The following FGF13 variants were observed in gnomAD, a reference collection of about 807,000 sequenced individuals.
The protein encoded by FGF13 is fibroblast growth factor homologous factor 2.
FGF13 carries 2 observed loss-of-function variants against 19.5 expected under a neutral mutation model. The observed-to-expected ratio is 0.10, with a 90% confidence interval of 0.04 to 0.32. FGF13 has a LOEUF of 0.32. Among genes scored for constraint, FGF13 ranks in the 10% least tolerant of loss-of-function variants. The pLI is 1.00. For missense variants in FGF13, 113 were observed against 192.7 expected, an observed-to-expected ratio of 0.59 and a Z score of 2.45; for synonymous variants, 72 against 76.9, an observed-to-expected ratio of 0.94 and a Z score of 0.33.
chrX:139,031,517 T>C (rs1422653208), intron 1 of FGF13, among the ~76,000 whole-genome samples: 1 of 111,093 alleles, frequency 9.0e-6, no homozygotes, highest in Non-Finnish European at 1.9e-5. Context: ...GTAGGCAATA[T>C]CATTACTCCC....
At chrX:138,856,261 C>A (rs1325940092), downstream of FGF13, among the ~76,000 whole-genome samples, 3 of 111,168 alleles carry the variant, frequency 2.7e-5, no homozygotes, top group African/African-American at 9.8e-5. Flanking sequence ...TATGAGTGCT[C>A]TATTCTATGG....
Position 138,753,564 on chromosome X carries a change from G to A in FGF13, c.218-44636C>T, listed in dbSNP as rs139718295. On this transcript the variant is annotated intron_variant, in intron 3 of 6. Transcript: ENST00000436198. ...TGTCAATCTATAAGATTCATGAGAT[G>A]AGTGTATAAATGCTGTAACCTTCCC... 9.2e-3 allele frequency among the ~76,000 whole-genome samples: 1,028 copies of A among 111,918 alleles called. 13 individuals carry two copies. The highest frequency in any genetic ancestry group is 0.053 in the South Asian group (141 of 2,664).
chrX:138,664,868 G>A (rs932577778), intron 3 of FGF13, among the ~76,000 whole-genome samples: 5 of 111,195 alleles, frequency 4.5e-5, no homozygotes, highest in African/African-American at 1.6e-4. Flanking sequence ...GAAGTCCAAA[G>A]GAAGTTCCCT....
chrX:139,016,738 C>G (rs894291623), intron 1 of FGF13, among the ~76,000 whole-genome samples: 6 of 111,444 alleles, frequency 5.4e-5, no homozygotes, highest in African/African-American at 2.0e-4. Context: ...GATGTCCTAT[C>G]TAGGTTGCTC....
chrX:139,004,543 G>A (rs1456518354), intron 1 of FGF13, among the ~76,000 whole-genome samples: 4 of 112,648 alleles, frequency 3.6e-5, no homozygotes, highest in East Asian at 2.8e-4. Flanking sequence ...AGGAGGTGCC[G>A]AGAGCAAGCG....
chrX:139,002,048 G>A (rs779183924), intron 1 of FGF13, among the ~76,000 whole-genome samples: 70 of 111,430 alleles, frequency 6.3e-4, no homozygotes, highest in Non-Finnish European at 1.0e-3. Context: ...CAGGGACATG[G>A]ATGAAACTGG....
chrX:139,051,962 A>T (rs1297837509), intron 1 of FGF13, among the ~76,000 whole-genome samples: 1 of 112,663 alleles, frequency 8.9e-6, no homozygotes, highest in Non-Finnish European at 1.9e-5. Context: ...TTTAGTTCTA[A>T]CAATTACCAG....
intron 3 of FGF13, among the ~76,000 whole-genome samples, chrX:138,841,294 G>A (rs1014063661): frequency 4.5e-5 from 5 of 110,721 alleles, no homozygotes; most frequent in Non-Finnish European, 7.6e-5. Context: ...AGAAGCCCAC[G>A]GCCATCATTA....
At chrX:138,817,429 CTTAA>C (rs779421325) in intron 3 of FGF13, among the ~76,000 whole-genome samples, 210 of 112,167 alleles carry the variant, frequency 1.9e-3, no homozygotes, top group African/African-American at 6.6e-3. Context: ...ATAACTGGTT[CTTAA>C]TTTATTTTAG....
At chrX:138,900,491 A>C (rs1252486160) in intron 1 of FGF13, among the ~76,000 whole-genome samples, 1 of 110,846 alleles carries the variant, frequency 9.0e-6, no homozygotes, top group Non-Finnish European at 1.9e-5. Context: ...GCTCTATGTC[A>C]AAAACAGGTC....
intron 1 of FGF13, among the ~76,000 whole-genome samples, chrX:139,005,941 G>C (rs2092099430): frequency 1.8e-5 from 2 of 109,452 alleles, no homozygotes; most frequent in Admixed American, 2.0e-4. Flanking sequence ...GTAGAAAATA[G>C]TCTCTAAAGG....
chrX:138,682,129 A>C (rs181697912), intron 3 of FGF13, among the ~76,000 whole-genome samples: 1 of 112,437 alleles, frequency 8.9e-6, no homozygotes, highest in East Asian at 2.8e-4. Context: ...GCAAAGCATA[A>C]TAAGACAAGG....
At chrX:139,113,458 G>A (rs779132858) in intron 1 of FGF13, among the ~76,000 whole-genome samples, 1 of 111,547 alleles carries the variant, frequency 9.0e-6, no homozygotes, top group South Asian at 3.8e-4. Flanking sequence ...GTTTCTTCAG[G>A]AATTAAAAAG....
At chrX:138,812,127 C>A (rs761724855) in intron 3 of FGF13, among the ~76,000 whole-genome samples, 1 of 111,499 alleles carries the variant, frequency 9.0e-6, no homozygotes, top group Non-Finnish European at 1.9e-5. Context: ...TCTAGATTTG[C>A]CTATTCTAAA....
At chrX:138,759,868 G>C (rs2090454697) in intron 3 of FGF13, among the ~76,000 whole-genome samples, 1 of 112,008 alleles carries the variant, frequency 8.9e-6, no homozygotes, top group South Asian at 3.8e-4. Context: ...AATGGCAATT[G>C]TTACTGTTAA....
At chrX:138,773,691 C>CA (rs2090565771) in intron 3 of FGF13, among the ~76,000 whole-genome samples, 1 of 111,760 alleles carries the variant, frequency 8.9e-6, no homozygotes, top group Non-Finnish European at 1.9e-5. Flanking sequence ...TGCCATGGCA[C>CA]AAAATTAATT....
chrX:139,202,852 A>G (rs2084426303), intron 1 of FGF13, among the ~76,000 whole-genome samples: 1 of 110,933 alleles, frequency 9.0e-6, no homozygotes, highest in Non-Finnish European at 1.9e-5. Context: ...CTGCAACCTC[A>G]CTTCTGCAGT....
chrX:139,132,910 TG>T (rs1214140712), intron 1 of FGF13, among the ~76,000 whole-genome samples: 1 of 111,827 alleles, frequency 8.9e-6, no homozygotes, highest in Non-Finnish European at 1.9e-5. Context: ...ACCTCTTCTA[TG>T]GCCATAGGTC....
chrX:138,940,479 G>A (rs919106545), intron 1 of FGF13, among the ~76,000 whole-genome samples: 8 of 111,471 alleles, frequency 7.2e-5, no homozygotes, highest in Non-Finnish European at 1.5e-4. Context: ...AATTGCTTTT[G>A]GGGTGTTCGT....
Sources: gnomAD v4.1 joint callset for allele counts (sites outside exome capture counted in the v4.1 genomes callset) on GRCh38, gnomAD v4.1.1 for gene constraint, MANE v1.5 for transcripts, NCBI Gene and HGNC (gene_info 2026-07-23, HGNC 2026-07-21) for gene names.